NACAD: variants seen among roughly 807,000 people sequenced by gnomAD.
NACAD encodes NAC-alpha domain-containing protein 1.
A neutral mutation model predicts 98.9 loss-of-function variants in NACAD; 47 were observed. The observed-to-expected ratio is 0.48, with a 90% CI of 0.38 to 0.61. The LOEUF (loss-of-function observed/expected upper bound fraction) is 0.61, where lower values mean the gene tolerates loss of function less well. Ranked by LOEUF, NACAD falls within the 20% of genes least tolerant of loss-of-function variation. NACAD has a pLI of 0.00. For missense variants in NACAD, 1,412 were observed against 1,748.2 expected (o/e 0.81, Z 3.43); for synonymous variants, 696 against 767.2 (o/e 0.91, Z 1.53).
rs777705369 is a variant in NACAD at position 45,082,705 on chromosome 7, C to A, written c.3475G>T (p.Ala1159Ser). 6.6e-7 allele frequency: 1 copy of A among 1,520,684 alleles called. No individual in the cohort carries two copies. The highest frequency in any genetic ancestry group is 1.4e-5 in the African/African-American group (1 of 72,326). The allele number at this position is 1,520,684 out of a possible 1,614,324, so 94.2% of individuals were successfully genotyped here. Residue 1159 changes from alanine to serine, a missense_variant, in exon 2 of 8, where the codon GCT (alanine) becomes TCT (serine). Physicochemically the swap from Ala to Ser is moderately conservative, Grantham distance 99. Coordinates refer to ENST00000490531, the MANE Select transcript of NACAD (RefSeq NM_001146334.2). This position sits in a 1 kb window ranked among gnomAD's most constrained non-coding sequence, Gnocchi z 4.5. ...LDSCPESSVG[A>S]VSSLDRGCPD... is the part of the protein sequence containing the mutation. ...CAGCCTCTGTCCAGACTGGACACAG[C>A]CCCTACTGAAGACTCTGGGCAGGAG...
intron 4 of NACAD, 109 bp from the exon 5 acceptor site, chr7:45,081,372 G>T: frequency 6.9e-7 from 1 of 1,440,362 alleles, no homozygotes. Flanking sequence ...ACTTCCCCAA[G>T]ACCTTGGGCT....
chr7:45,086,140 GC>G, intron 1 of NACAD, 28 bp from the exon 2 acceptor site: 2 of 1,529,574 alleles, frequency 1.3e-6, no homozygotes, highest in Non-Finnish European at 1.7e-6. Context: ...ATCATGAGGT[GC>G]CCCTGGATGC....
rs62457078 is a variant in NACAD, at chr7:45,088,801, G to T, written c.67+27C>A. On this transcript the variant is annotated intron_variant, in intron 1 of 7. Transcript: ENST00000490531. The surrounding 1 kb of genome is among the most constrained non-coding windows in gnomAD (Gnocchi z 5.7). ...GGGCTGGAGAGGGGAGAGGCTGAAG[G>T]CAGGGAAAGAGTGGCCACGGCCTCA... 3.7e-5 allele frequency: 55 copies of T among 1,475,300 alleles called. No individual in the cohort carries two copies. Among genetic ancestry groups the T allele is most frequent in the Non-Finnish European group, 4.7e-5 (52 of 1,115,316 alleles). 91.4% of individuals were successfully genotyped at this position (1,475,300 alleles called of 1,614,324 possible).
At position 45,081,791 on chromosome 7, in the gene NACAD, G is replaced by A; in HGVS notation, c.4149C>T (p.Asp1383=). ...GESSAELDEQ[D]ILAPQTVQCP... is the part of the protein sequence containing the mutation. Reference sequence around the variant, plus strand: ...ACTGCACGGTCTGAGGAGCCAAGATGTCCTGCTCGTCCAGCTCGGCTGATG... The same window carrying A: ...ACTGCACGGTCTGAGGAGCCAAGATATCCTGCTCGTCCAGCTCGGCTGATG... The change falls in exon 3 of 8, where the codon GAC becomes GAT. Residue 1383 remains aspartate (D), a synonymous_variant. Coordinates refer to ENST00000490531, the MANE Select transcript of NACAD (RefSeq NM_001146334.2). The A allele has an allele frequency of 1.3e-6, 2 of 1,550,834 alleles. No homozygotes were observed. Among genetic ancestry groups the A allele is most frequent in the Non-Finnish European group, 1.7e-6 (2 of 1,146,956 alleles).
At position 45,085,778 on chromosome 7, in the gene NACAD, A is replaced by G. The variant is rs1171831837; in HGVS notation, c.402T>C (p.Ala134=). Residue 134 remains alanine, a synonymous_variant, in exon 2 of 8, where the codon GCT becomes GCC. Coordinates refer to ENST00000490531, the MANE Select transcript of NACAD (RefSeq NM_001146334.2). This position sits in a 1 kb window ranked among gnomAD's most constrained non-coding sequence, Gnocchi z 6.1. ...ETCQALLSPR[A]ARTALRDQEG... The stretch of plus-strand genomic sequence containing the variant: ...CCTGGTCCCTGAGCGCTGTCCGGGC[A>G]GCTCTGGGTGACAGGAGGGCCTGGC... The G allele has an allele frequency of 3.2e-6, 5 of 1,545,944 alleles. No individual in the cohort carries two copies. In the Admixed American group the frequency reaches 9.9e-5, roughly 31 times the overall value.
Position 45,082,465 on chromosome 7 carries a change from C to A in NACAD, c.3715G>T (p.Ala1239Ser). ...PSAPGTLAGA[A>S]LPPLEPPAPC... is the part of the protein sequence containing the mutation. Reference sequence around the variant, plus strand: ...GCTGGGGGCTCCAGTGGGGGTAGGGCTGCCCCAGCAAGGGTACCAGGAGCA... The same window carrying A: ...GCTGGGGGCTCCAGTGGGGGTAGGGATGCCCCAGCAAGGGTACCAGGAGCA... Residue 1239 changes from alanine (A) to serine (S), a missense_variant, in exon 2 of 8, where the codon GCC becomes TCC. Ala to Ser is a moderately conservative substitution (Grantham distance 99, BLOSUM62 1). This residue lies in a region of NACAD where 572 missense variants were observed against 639.6 expected (regional missense o/e 0.89). Transcript: ENST00000490531. The surrounding 1 kb of genome is among the most constrained non-coding windows in gnomAD (Gnocchi z 4.5). 1.3e-6 allele frequency: 2 copies of A among 1,549,214 alleles called. No homozygotes were observed. The highest frequency in any genetic ancestry group is 1.7e-6 in the Non-Finnish European group (2 of 1,146,736).
In NACAD at chr7:45,086,003, G is replaced by C. The variant is rs1784517493; in HGVS notation, c.177C>G (p.Ser59Arg). 2 of 1,535,882 alleles carry C rather than the reference G, an allele frequency of 1.3e-6. No individual in the cohort carries two copies. ...PSHLALTFLP[S>R]KPGARPQPEG... ...CGGGCTGGGGCCGGGCACCCGGCTT[G>C]CTGGGCAGGAACGTGAGGGCCAGGT... Residue 59 changes from serine to arginine, a missense_variant, in exon 2 of 8, where the codon AGC becomes AGG. By Grantham distance (110) the Ser-to-Arg change is moderately radical (BLOSUM62 -1). This residue lies in a region of NACAD where 638 missense variants were observed against 722.7 expected (regional missense o/e 0.88). Transcript: ENST00000490531.
At position 45,088,695 on chromosome 7, in the gene NACAD, G is replaced by A; in HGVS notation, c.67+133C>T. 1.6e-6 allele frequency: 1 copy of A among 627,612 alleles called. No homozygotes were observed. Among genetic ancestry groups the A allele is most frequent in the Non-Finnish European group, 2.4e-6 (1 of 416,602 alleles). 38.9% of individuals were successfully genotyped at this position (627,612 alleles called of 1,614,324 possible). A position where few individuals can be genotyped will look rare whatever the true frequency, so the allele number is the denominator to read the frequency against. The stretch of plus-strand genomic sequence containing the variant: ...AGGGTTCAGATGGAGGGAAGGACAG[G>A]GCGCGGAAAGGGGAGGGGACTCGAG... On this transcript the variant is annotated intron_variant, in intron 1 of 7. Transcript: ENST00000490531. The surrounding 1 kb of genome is among the most constrained non-coding windows in gnomAD (Gnocchi z 5.7).
chr7:45,082,914 T>C lies in NACAD; in HGVS notation c.3266A>G (p.Gln1089Arg), dbSNP rs1784456635. 2 of 1,551,128 alleles carry C rather than the reference T, an allele frequency of 1.3e-6. No homozygotes were observed. Among genetic ancestry groups the C allele is most frequent in the African/African-American group, 1.4e-5 (1 of 73,188 alleles). Reference protein sequence around the residue: ...QQEGGLKPLAQEHGPRSALGG... With the variant: ...QQEGGLKPLAREHGPRSALGG... ...AAGTGCTGACCTGGGTCCATGTTCCTGTGCCAGTGGCTTCAGGCCTCCTTC... is the reference window on the plus strand; with the variant it reads ...AAGTGCTGACCTGGGTCCATGTTCCCGTGCCAGTGGCTTCAGGCCTCCTTC... Residue 1089 changes from glutamine to arginine, a missense_variant, in exon 2 of 8, where the codon CAG becomes CGG. Physicochemically the swap from Gln to Arg is conservative, Grantham distance 43 (BLOSUM62 1). Around this residue, in one of 5 missense-constraint regions of NACAD, gnomAD observed 572 missense variants for 639.6 expected, o/e 0.89. Coordinates refer to ENST00000490531, the MANE Select transcript of NACAD (RefSeq NM_001146334.2). This position sits in a 1 kb window ranked among gnomAD's most constrained non-coding sequence, Gnocchi z 4.5.
At chr7:45,086,829 A>G (rs188366506) in intron 1 of NACAD, among the ~76,000 whole-genome samples, 210 of 152,336 alleles carry the variant, frequency 1.4e-3, no homozygotes, top group African/African-American at 4.8e-3. Context: ...GTGGGCAGGA[A>G]CGGAGACCAT....
At position 45,082,514 on chromosome 7, in the gene NACAD, G is replaced by C. The variant is rs1313854092; in HGVS notation, c.3666C>G (p.Asp1222Glu). The C allele has an allele frequency of 6.5e-7, 1 of 1,549,728 alleles. No individual in the cohort carries two copies. Among genetic ancestry groups the C allele is most frequent in the East Asian group, 2.4e-5 (1 of 40,898 alleles). Residue 1222 changes from aspartate (D) to glutamate (E), a missense_variant, in exon 2 of 8, where the codon GAC becomes GAG. Asp to Glu is a conservative substitution (Grantham distance 45). Coordinates refer to ENST00000490531, the MANE Select transcript of NACAD (RefSeq NM_001146334.2). The surrounding 1 kb of genome is among the most constrained non-coding windows in gnomAD (Gnocchi z 4.5). ...CAGAAGGGTCAGGGCCCAGGGGCCT[G>C]TCCACGGGCGTGCTGGGCTGACCCT... ...LAKGQPSTPV[D>E]RPLGPDPSAP...
At position 45,080,932 on chromosome 7, in the gene NACAD, G is replaced by A; in HGVS notation, c.4495C>T (p.Pro1499Ser). ...CACTCCAGCCTCACCCGGGGCCTGG[G>A]TGCTGACTCAGGGACCAAGGCTGAG... ...EPSALVPESAPRPRVRLECKE... is the reference protein window; with the variant it reads ...EPSALVPESASRPRVRLECKE... Residue 1499 changes from proline to serine, a missense_variant, in exon 6 of 8, where the codon CCC (proline) becomes TCC (serine). By Grantham distance (74) the Pro-to-Ser change is moderately conservative (BLOSUM62 -1). Transcript: ENST00000490531. 2 of 1,553,438 alleles carry A rather than the reference G, an allele frequency of 1.3e-6. No homozygotes were observed. The highest frequency in any genetic ancestry group is 1.7e-6 in the Non-Finnish European group (2 of 1,148,062).
In NACAD at chr7:45,085,107, G is replaced by A; in HGVS notation, c.1073C>T (p.Ser358Phe). 6.4e-7 allele frequency: 1 copy of A among 1,551,128 alleles called. No individual in the cohort carries two copies. The highest frequency in any genetic ancestry group is 1.2e-5 in the South Asian group (1 of 84,040). The change falls in exon 2 of 8, where the codon TCT (serine) becomes TTT (phenylalanine). Residue 358 changes from serine (S) to phenylalanine (F), a missense_variant. Ser to Phe is a radical substitution (Grantham distance 155). Transcript: ENST00000490531. This position sits in a 1 kb window ranked among gnomAD's most constrained non-coding sequence, Gnocchi z 6.1. The part of the protein sequence containing the change: ...LAGEGEEDST[S>F]ASFLQSLSDL... Reference sequence around the variant, plus strand: ...AGACAGTGACTGCAGGAAGGAGGCAGACGTGCTGTCCTCCTCACCCTCCCC... The same window carrying A: ...AGACAGTGACTGCAGGAAGGAGGCAAACGTGCTGTCCTCCTCACCCTCCCC...
intron 1 of NACAD, among the ~76,000 whole-genome samples, chr7:45,086,576 C>T (rs768111170): frequency 3.9e-5 from 6 of 152,234 alleles, no homozygotes; most frequent in East Asian, 3.9e-4. Flanking sequence ...GGCACCAGCA[C>T]GACGCGCGCA....
Position 45,081,281 on chromosome 7 carries a change from A to G in NACAD, c.4258-18T>C. 2 of 1,550,080 alleles carry G rather than the reference A, an allele frequency of 1.3e-6. No homozygotes were observed. The highest frequency in any genetic ancestry group is 1.4e-5 in the African/African-American group (1 of 73,166). Reference sequence around the variant, plus strand: ...GACATTGCCTGGGAGTAGAGGGCAGAGGGGGGCTCAGACCTGGTGTTGACC... The same window carrying G: ...GACATTGCCTGGGAGTAGAGGGCAGGGGGGGGCTCAGACCTGGTGTTGACC... On this transcript the variant is annotated intron_variant, in intron 4 of 7. Transcript: ENST00000490531.
chr7:45,081,195 G>A lies in NACAD; in HGVS notation c.4326C>T (p.Asn1442=). 1 of 1,551,544 alleles carries A rather than the reference G, an allele frequency of 6.4e-7. No individual in the cohort carries two copies. The highest frequency in any genetic ancestry group is 8.7e-7 in the Non-Finnish European group (1 of 1,147,000). ...VTRITIQKSK[N]ILFVIAKPDV... ...CAGGCTTGGCGATGACAAAGAGGAT[G>A]TTCTTGGACTTCTGGATGGTGATCC... The change falls in exon 5 of 8, where the codon AAC becomes AAT. Residue 1442 remains asparagine, a synonymous_variant. Coordinates refer to ENST00000490531, the MANE Select transcript of NACAD (RefSeq NM_001146334.2).
rs1247965230 is a variant in NACAD, at chr7:45,081,624, G to A, written c.4234C>T (p.Arg1412Cys). 3 of 1,551,448 alleles carry A rather than the reference G, an allele frequency of 1.9e-6. No individual in the cohort carries two copies. The highest frequency in any genetic ancestry group is 2.0e-5 in the Admixed American group (1 of 51,000). Residue 1412 changes from arginine (R) to cysteine (C), a missense_variant, in exon 4 of 8, where the codon CGC becomes TGC. By Grantham distance (180) the Arg-to-Cys change is radical (BLOSUM62 -3). Coordinates refer to ENST00000490531, the MANE Select transcript of NACAD (RefSeq NM_001146334.2). ...EETIAKAKQS[R>C]SEKKARKAMS... ...ACCTTTCGGGCCTTCTTCTCACTGC[G>A]ACTCTGCTTGGCTTTGGCGATGGTC...
In NACAD at chr7:45,084,720, G is replaced by A. The variant is rs1267706487; in HGVS notation, c.1460C>T (p.Thr487Ile). ...CTGGAGGCCTGGGGCTACCTGCAGA[G>A]TGTGAGGGGTCACAGTGGCAGTGGA... is the stretch of plus-strand genomic sequence containing the variant. ...QESTATVTPH[T>I]LQVAPGLQVE... is the part of the protein sequence containing the mutation. Residue 487 changes from threonine (T) to isoleucine (I), a missense_variant, in exon 2 of 8, where the codon ACT becomes ATT. Thr to Ile is a moderately conservative substitution (Grantham distance 89). Transcript: ENST00000490531. 1.3e-6 allele frequency: 2 copies of A among 1,551,104 alleles called. No individual in the cohort carries two copies. Among genetic ancestry groups the A allele is most frequent in the East Asian group, 2.4e-5 (1 of 40,888 alleles).
Position 45,084,139 on chromosome 7 carries a change from C to T in NACAD, c.2041G>A (p.Ala681Thr), listed in dbSNP as rs1467075582. 2 of 315,384 alleles carry T rather than the reference C, an allele frequency of 6.3e-6. No individual in the cohort carries two copies. Among genetic ancestry groups the T allele is most frequent in the South Asian group, 7.1e-5 (2 of 28,118 alleles). 19.5% of individuals were successfully genotyped at this position (315,384 alleles called of 1,614,324 possible). The change falls in exon 2 of 8, where the codon GCT (alanine) becomes ACT (threonine). Residue 681 changes from alanine to threonine, a missense_variant. By Grantham distance (58) the Ala-to-Thr change is moderately conservative. Coordinates refer to ENST00000490531, the MANE Select transcript of NACAD (RefSeq NM_001146334.2). ...EEGLTLPQDS[A>T]MTPPLPLQDT... ...TGTAGGGGCAGAGGCGGTGTCATAG[C>T]GGAGTCCTGGGGTAAGGTGAGGCCC...
Sources: gnomAD v4.1 joint callset for allele counts (sites outside exome capture counted in the v4.1 genomes callset) on GRCh38, gnomAD v4.1.1 for gene constraint, gnomAD v4.1.1 regional missense constraint, Gnocchi (gnomAD v3.1) non-coding constraint, MANE v1.5 for transcripts, NCBI Gene and HGNC (gene_info 2026-07-23, HGNC 2026-07-21) for gene names.